Variants in SNRPN observed in about 807,000 individuals in gnomAD.
The protein encoded by SNRPN is small nuclear ribonucleoprotein polypeptide N.
Under a neutral mutation model 25.2 loss-of-function variants are expected in SNRPN, and 7 were observed. The ratio of observed to expected loss-of-function variants is 0.28; its 90% confidence interval spans 0.16 to 0.52. SNRPN has a LOEUF of 0.52. Ranked by LOEUF, SNRPN falls within the 20% of genes least tolerant of loss-of-function variation. The pLI, the probability that SNRPN is intolerant of heterozygous loss-of-function variation, is 0.96. For missense variants in SNRPN, 196 were observed against 322.5 expected (o/e 0.61, Z 3.00); for synonymous variants, 124 against 110.6 (o/e 1.12, Z -0.76).
rs1279424978 is a variant in SNRPN at position 24,863,411 on chromosome 15, G to A, written c.-579+6695G>A. On this transcript the variant is annotated intron_variant, in intron 1 of 11. Coordinates refer to the SNRPN transcript ENST00000400097. ...AGAGGTGGCAGCAATGATGGTGGTG[G>A]GCAGTGTGCAGCCTTGTAGGCCACT... 2.7e-5 allele frequency among the ~76,000 whole-genome samples: 4 copies of A among 150,260 alleles called. 1 individual carries two copies. Among genetic ancestry groups the A allele is most frequent in the African/African-American group, 5.0e-5 (2 of 39,868 alleles).
At chr15:24,855,003 CAA>C (rs10600812), upstream of SNRPN, among the ~76,000 whole-genome samples, 12,226 of 140,780 alleles carry the variant, frequency 0.087, 649 homozygotes, top group Middle Eastern at 0.18. Context: ...GACTCCGTCT[CAA>C]AAAAAAAAAA....
In SNRPN at chr15:24,837,572, T is replaced by C. The variant is rs540462262; in HGVS notation, c.-579+7667T>C. Reference sequence around the variant, plus strand: ...TTTTGGTAGAGACGGGGTTTCACCGTGTTAGCTAGGATGGTCTCGATCTCC... The same window carrying C: ...TTTTGGTAGAGACGGGGTTTCACCGCGTTAGCTAGGATGGTCTCGATCTCC... On this transcript the variant is annotated intron_variant, in intron 2 of 12. Transcript: ENST00000400100. Among the ~76,000 whole-genome samples the C allele has an allele frequency of 7.3e-5, 11 of 151,684 alleles. No individual in the cohort carries two copies. The East Asian group carries it at 1.4e-3, about 19-fold the overall frequency.
intron 3 of SNRPN, among the ~76,000 whole-genome samples, chr15:24,939,666 C>T (rs747447067): frequency 2.0e-5 from 3 of 151,664 alleles, no homozygotes; most frequent in East Asian, 1.9e-4. Flanking sequence ...CTCCTGACTT[C>T]GAATGATCCA....
chr15:24,976,263 T>A (rs779426425), intron 5 of SNRPN, 42 bp from the exon 6 acceptor site: 8 of 1,404,986 alleles, frequency 5.7e-6, no homozygotes, highest in Non-Finnish European at 8.1e-6. Flanking sequence ...GAGTGAGTGA[T>A]CACTAAAATT....
At chr15:24,907,044 A>G (rs1381552477) in intron 2 of SNRPN, among the ~76,000 whole-genome samples, 1 of 152,106 alleles carries the variant, frequency 6.6e-6, no homozygotes, top group Non-Finnish European at 1.5e-5. Context: ...GGGTAAAATA[A>G]TGCCAAAAAA....
intron 3 of SNRPN, 157 bp downstream of exon 3, chr15:24,968,239 A>G: frequency 1.8e-6 from 1 of 557,498 alleles, no homozygotes. Flanking sequence ...CAGGACCTTA[A>G]ATTTTCTGCC....
chr15:24,973,458 C>T (rs1422114072), intron 3 of SNRPN, among the ~76,000 whole-genome samples: 3 of 151,628 alleles, frequency 2.0e-5, no homozygotes, highest in East Asian at 2.0e-4. Context: ...AGTGCAGTGG[C>T]GCGATCTCAG....
In SNRPN at chr15:24,836,256, C is replaced by T. The variant is rs190229803; in HGVS notation, c.-579+6351C>T. 1.0e-3 allele frequency among the ~76,000 whole-genome samples: 155 copies of T among 152,126 alleles called. 2 individuals are homozygous for T. The highest frequency in any genetic ancestry group is 3.4e-3 in the Middle Eastern group (1 of 294). On this transcript the variant is annotated intron_variant, in intron 2 of 12. Coordinates refer to the SNRPN transcript ENST00000400100. ...CCTTAATGACCTCATTTACCTTAAT[C>T]ATCTAATAGAAGGCCCTATGTCCAA...
intron 2 of SNRPN, among the ~76,000 whole-genome samples, chr15:24,896,654 C>T (rs1232065915): frequency 6.6e-6 from 1 of 152,054 alleles, no homozygotes. Flanking sequence ...GCGGAGCTTG[C>T]AGTGAGCCGA....
intron 2 of SNRPN, among the ~76,000 whole-genome samples, chr15:24,894,810 G>A (rs1327324168): frequency 6.6e-6 from 1 of 152,104 alleles, no homozygotes; most frequent in African/African-American, 2.4e-5. Flanking sequence ...AATCCTACCT[G>A]CAGACTCCAG....
At chr15:24,896,382 C>T (rs1021213732) in intron 2 of SNRPN, among the ~76,000 whole-genome samples, 1 of 152,090 alleles carries the variant, frequency 6.6e-6, no homozygotes, top group African/African-American at 2.4e-5. Context: ...AGATATAGTG[C>T]AGATGTAATT....
At chr15:24,976,540 A>G (rs2077080519) in intron 6 of SNRPN, 124 bp downstream of exon 6, 1 of 741,282 alleles carries the variant, frequency 1.3e-6, no homozygotes, top group South Asian at 1.7e-5. Context: ...TGTGCCAGGC[A>G]CTTAATATCA....
At chr15:24,974,953 CTCAGG>C (rs1275513254) in intron 4 of SNRPN, 1 of 702,918 alleles carries the variant, frequency 1.4e-6, no homozygotes, top group South Asian at 1.5e-5. Flanking sequence ...ATGATGGACT[CTCAGG>C]TCAGATTACA....
intron 2 of SNRPN, among the ~76,000 whole-genome samples, chr15:24,891,883 T>G (rs183879883): frequency 3.9e-4 from 59 of 152,310 alleles, no homozygotes; most frequent in Non-Finnish European, 7.5e-4. Context: ...TAGCCATGAA[T>G]CAGAAACACA....
chr15:24,830,347 C>G (rs918358006), intron 2 of SNRPN, among the ~76,000 whole-genome samples: 4 of 152,158 alleles, frequency 2.6e-5, no homozygotes, highest in African/African-American at 9.6e-5. Context: ...GACTGTTATG[C>G]TATCCTACTT....
At chr15:24,907,196 C>T (rs930762319) in intron 2 of SNRPN, among the ~76,000 whole-genome samples, 3 of 152,116 alleles carry the variant, frequency 2.0e-5, no homozygotes, top group Admixed American at 6.6e-5. Context: ...GTAAAAGATT[C>T]GCAGCCCAGG....
At chr15:24,877,404 A>G (rs2149280722) in intron 1 of SNRPN, among the ~76,000 whole-genome samples, 1 of 152,352 alleles carries the variant, frequency 6.6e-6, no homozygotes, top group Admixed American at 6.5e-5. Flanking sequence ...ACAGGAACCA[A>G]TGGCAACCTA....
At chr15:24,859,083 A>G (rs2053736533) in intron 1 of SNRPN, among the ~76,000 whole-genome samples, 1 of 152,094 alleles carries the variant, frequency 6.6e-6, no homozygotes, top group African/African-American at 2.4e-5. Context: ...AACCAGGATT[A>G]GTTCAGACTG....
At chr15:24,874,098 C>G (rs1401546942) in intron 1 of SNRPN, among the ~76,000 whole-genome samples, 4 of 151,420 alleles carry the variant, frequency 2.6e-5, no homozygotes, top group African/African-American at 9.7e-5. Context: ...ATCACGAGGT[C>G]AGGAAATCGA....
Sources: allele counts gnomAD v4.1 joint callset (sites outside exome capture counted in the v4.1 genomes callset), GRCh38; gene constraint gnomAD v4.1.1; transcripts MANE v1.5; gene names NCBI Gene and HGNC (gene_info 2026-07-23, HGNC 2026-07-21).